Variants in TEK observed in about 807,000 individuals in gnomAD.
TEK encodes the protein TEK receptor tyrosine kinase.
Under a neutral mutation model 131.8 loss-of-function variants are expected in TEK, and 43 were observed. The ratio of observed to expected loss-of-function variants is 0.33; its 90% confidence interval spans 0.26 to 0.42. The LOEUF (loss-of-function observed/expected upper bound fraction) is 0.42. Ranked by LOEUF, TEK falls within the 10% of genes least tolerant of loss-of-function variation. The probability of loss-of-function intolerance (pLI) is 1.00; values close to 1 mark genes in which losing one functional copy is unlikely to be tolerated. For synonymous variants in TEK, 580 were observed against 491.6 expected, an observed-to-expected ratio of 1.18 and a Z score of -2.38; for missense variants, 1,162 against 1,384.4, an observed-to-expected ratio of 0.84 and a Z score of 2.55.
intron 9 of TEK, among the ~76,000 whole-genome samples, chr9:27,186,904 A>G (rs536972888): frequency 7.5e-4 from 114 of 152,310 alleles, no homozygotes; most frequent in African/African-American, 2.6e-3. Context: ...CTGAGAATCC[A>G]TATGAACCAC....
At chr9:27,195,443 T>G (rs900841395) in intron 11 of TEK, among the ~76,000 whole-genome samples, 1 of 152,224 alleles carries the variant, frequency 6.6e-6, no homozygotes, top group Non-Finnish European at 1.5e-5. Context: ...ACCACAGATA[T>G]GCTCTATATC....
chr9:27,124,050 G>A (rs1821896838), intron 1 of TEK, among the ~76,000 whole-genome samples: 1 of 152,170 alleles, frequency 6.6e-6, no homozygotes, highest in Non-Finnish European at 1.5e-5. Flanking sequence ...GTGCCGGGTG[G>A]GTGGCGTGAG....
chr9:27,110,020 T>G (rs1188253173), intron 1 of TEK, among the ~76,000 whole-genome samples: 1 of 152,020 alleles, frequency 6.6e-6, no homozygotes, highest in African/African-American at 2.4e-5. Flanking sequence ...TTAAAGAAAA[T>G]CTTCAGTAAA....
chr9:27,220,407 G>C (rs979568250), intron 21 of TEK, among the ~76,000 whole-genome samples: 2 of 152,166 alleles, frequency 1.3e-5, no homozygotes, highest in Admixed American at 6.5e-5. Flanking sequence ...AACAAATGCA[G>C]AAAAGCTCTG....
chr9:27,197,365 C>T lies in TEK; in HGVS notation c.1675C>T (p.Leu559=), dbSNP rs1283376594. Residue 559 remains leucine (L), a synonymous_variant, in exon 12 of 23, where the codon CTA becomes TTA. Coordinates refer to ENST00000380036, the MANE Select transcript of TEK (RefSeq NM_000459.5). ...LNLLPKSQTT[L]NLTWQPIFPS... Reference sequence around the variant, plus strand: ...TCTCCTGCCTAAAAGTCAGACCACTCTAAATTTGACCTGGCAACCAATATT... The same window carrying T: ...TCTCCTGCCTAAAAGTCAGACCACTTTAAATTTGACCTGGCAACCAATATT... 1 of 1,614,160 alleles carries T rather than the reference C, an allele frequency of 6.2e-7. No individual in the cohort carries two copies. Among genetic ancestry groups the T allele is most frequent in the Non-Finnish European group, 8.5e-7 (1 of 1,180,004 alleles).
At chr9:27,187,715 G>A (rs1824651235) in intron 9 of TEK, among the ~76,000 whole-genome samples, 1 of 152,140 alleles carries the variant, frequency 6.6e-6, no homozygotes, top group Non-Finnish European at 1.5e-5. Context: ...GAAGGCATCA[G>A]CAGAGTTTAT....
chr9:27,217,725 T>G lies in TEK; in HGVS notation c.3029T>G (p.Leu1010Arg). 6.2e-7 allele frequency: 1 copy of G among 1,613,990 alleles called. No individual in the cohort carries two copies. Among genetic ancestry groups the G allele is most frequent in the Non-Finnish European group, 8.5e-7 (1 of 1,179,890 alleles). ...GTGCGCTGGATGGCCATCGAGTCAC[T>G]GAATTACAGTGTGTACACAACCAAC... ...LPVRWMAIES[L>R]NYSVYTTNSD... is the part of the protein sequence containing the mutation. The change falls in exon 19 of 23, where the codon CTG (leucine) becomes CGG (arginine). Residue 1010 changes from leucine to arginine, a missense_variant. Physicochemically the swap from Leu to Arg is moderately radical, Grantham distance 102. This residue lies in a region of TEK where 107 missense variants were observed against 173.9 expected (regional missense o/e 0.62). Coordinates refer to ENST00000380036, the MANE Select transcript of TEK (RefSeq NM_000459.5).
Position 27,178,056 on chromosome 9 carries a change from G to A in TEK, c.902-2184G>A, listed in dbSNP as rs78435572. On this transcript the variant is annotated intron_variant, in intron 6 of 22. Coordinates refer to ENST00000380036, the MANE Select transcript of TEK (RefSeq NM_000459.5). The stretch of plus-strand genomic sequence containing the variant: ...TCATTGCCCGGATCAGTATCAAGAA[G>A]CTTTTCCCGTCTGTTTTCTTCTAGT... 5.7e-3 allele frequency among the ~76,000 whole-genome samples: 860 copies of A among 152,170 alleles called. 5 individuals carry two copies. Among genetic ancestry groups the A allele is most frequent in the African/African-American group, 0.02 (821 of 41,518 alleles).
At chr9:27,177,374 T>C (rs7025172) in intron 6 of TEK, among the ~76,000 whole-genome samples, 40,649 of 152,082 alleles carry the variant, frequency 0.27, 5,767 homozygotes, top group African/African-American at 0.36. Flanking sequence ...TGATATCTCA[T>C]TGTGGTTTTG....
intron 9 of TEK, among the ~76,000 whole-genome samples, chr9:27,189,467 A>G (rs1342264596): frequency 6.6e-6 from 1 of 152,114 alleles, no homozygotes; most frequent in Admixed American, 6.5e-5. Context: ...CCAAGAACCA[A>G]TTTTCATTGT....
intron 1 of TEK, among the ~76,000 whole-genome samples, chr9:27,130,626 CTTTT>C (rs571794271): frequency 8.2e-6 from 1 of 121,824 alleles, no homozygotes; most frequent in Admixed American, 8.5e-5. Context: ...GATTAAAGTA[CTTTT>C]TTTTTTTTTT....
At chr9:27,142,535 G>A (rs1391565407) in intron 1 of TEK, among the ~76,000 whole-genome samples, 1 of 152,242 alleles carries the variant, frequency 6.6e-6, no homozygotes, top group Non-Finnish European at 1.5e-5. Context: ...ATAGCCACTT[G>A]CTGAGTTTTG....
intron 12 of TEK, 148 bp from the exon 13 acceptor site, chr9:27,202,672 C>A (rs1330006495): frequency 6.5e-6 from 5 of 768,874 alleles, no homozygotes; most frequent in Non-Finnish European, 1.1e-5. Flanking sequence ...TGCGTGGAGT[C>A]CAGTAGCCAC....
intron 7 of TEK, among the ~76,000 whole-genome samples, chr9:27,182,075 C>A (rs1824399276): frequency 6.6e-6 from 1 of 152,162 alleles, no homozygotes; most frequent in East Asian, 1.9e-4. Context: ...GAAGGAAATG[C>A]CATGGGGCTA....
chr9:27,173,220 A>G lies in TEK; in HGVS notation c.761-2A>G. 6.2e-7 allele frequency: 1 copy of G among 1,613,982 alleles called. No homozygotes were observed. The highest frequency in any genetic ancestry group is 8.5e-7 in the Non-Finnish European group (1 of 1,179,898). Reference sequence around the variant, plus strand: ...GAATCATCTTTTCTTTTCCTCCCAAAGCTTGTGAACTGCACACGTTTGGCA... The same window carrying G: ...GAATCATCTTTTCTTTTCCTCCCAAGGCTTGTGAACTGCACACGTTTGGCA... On this transcript the variant is annotated splice_acceptor_variant, in intron 5 of 22. Transcript: ENST00000380036. LOFTEE classifies it high-confidence loss of function.
intron 12 of TEK, among the ~76,000 whole-genome samples, chr9:27,201,498 T>C (rs1825212044): frequency 6.6e-6 from 1 of 152,122 alleles, no homozygotes; most frequent in Non-Finnish European, 1.5e-5. Context: ...TTTATAAAAA[T>C]ATACAAAAGA....
intron 1 of TEK, among the ~76,000 whole-genome samples, chr9:27,119,173 A>C (rs1321774047): frequency 6.6e-6 from 1 of 152,148 alleles, no homozygotes; most frequent in Admixed American, 6.5e-5. Context: ...CAAGAGTTAC[A>C]CTGAAAAATG....
In TEK at chr9:27,190,507, T is replaced by G. The variant is rs541747126; in HGVS notation, c.1328-22T>G. On this transcript the variant is annotated intron_variant, in intron 9 of 22. Transcript: ENST00000380036. ...AAACCTCAAAGCCGAAGGACTAATC[T>G]GCCTTCTGAAATTGTATTTAGTTCT... The G allele has an allele frequency of 3.7e-6, 6 of 1,613,850 alleles. No homozygotes were observed. In the African/African-American group the frequency reaches 8.0e-5, roughly 22 times the overall value.
At chr9:27,125,542 G>A (rs1013559598) in intron 1 of TEK, among the ~76,000 whole-genome samples, 3 of 152,082 alleles carry the variant, frequency 2.0e-5, no homozygotes, top group Non-Finnish European at 2.9e-5. Flanking sequence ...TTATGCCCAG[G>A]CAGTTGAGAA....
Sources: gnomAD v4.1 joint callset for allele counts (sites outside exome capture counted in the v4.1 genomes callset) on GRCh38, gnomAD v4.1.1 for gene constraint, gnomAD v4.1.1 regional missense constraint, MANE v1.5 for transcripts, NCBI Gene and HGNC (gene_info 2026-07-23, HGNC 2026-07-21) for gene names.